Variants in RALYL observed in about 807,000 individuals in gnomAD.
RALYL encodes RNA-binding Raly-like protein.
Under a neutral mutation model 35.1 loss-of-function variants are expected in RALYL, and 29 were observed. The ratio of observed to expected loss-of-function variants is 0.83; its 90% CI spans 0.61 to 1.13. The LOEUF is 1.13. Ranked by LOEUF, RALYL falls within the 50% of genes most tolerant of loss-of-function variation. The probability of loss-of-function intolerance (pLI) is 0.00; values close to 1 mark genes in which losing one functional copy is unlikely to be tolerated. For synonymous variants in RALYL, 120 were observed against 127.6 expected (o/e 0.94, Z 0.40); for missense variants, 359 against 360.4 (o/e 1.00, Z 0.03).
intron 1 of RALYL, among the ~76,000 whole-genome samples, chr8:84,329,473 G>A (rs567744188): frequency 6.6e-6 from 1 of 152,070 alleles, no homozygotes; most frequent in East Asian, 1.9e-4. Flanking sequence ...TTTTTGAACT[G>A]TTTAAATTTT....
intron 2 of RALYL, among the ~76,000 whole-genome samples, chr8:84,753,759 G>A (rs533243153): frequency 6.6e-6 from 1 of 152,122 alleles, no homozygotes; most frequent in Non-Finnish European, 1.5e-5. Context: ...CCAGAAGCAT[G>A]CTAGCATCAT....
chr8:84,459,950 A>C (rs1242084794), intron 1 of RALYL, among the ~76,000 whole-genome samples: 1 of 151,774 alleles, frequency 6.6e-6, no homozygotes, highest in Admixed American at 6.6e-5. Context: ...AAACTATAGA[A>C]ATCTAGATAG....
intron 4 of RALYL, among the ~76,000 whole-genome samples, chr8:84,842,277 A>G (rs555337863): frequency 3.5e-4 from 53 of 152,362 alleles, no homozygotes; most frequent in African/African-American, 1.1e-3. Context: ...AAAAAATGAT[A>G]AAGGGGATAT....
chr8:84,236,717 C>T (rs1202828525), intron 1 of RALYL, among the ~76,000 whole-genome samples: 2 of 152,002 alleles, frequency 1.3e-5, no homozygotes, highest in Admixed American at 6.6e-5. Context: ...CAATCAATAT[C>T]GTCGTGAGGT....
chr8:84,657,782 G>A (rs1219984223), intron 2 of RALYL, among the ~76,000 whole-genome samples: 1 of 152,178 alleles, frequency 6.6e-6, no homozygotes, highest in Non-Finnish European at 1.5e-5. Flanking sequence ...TGTTGCAACA[G>A]GGCTACAGAG....
At chr8:84,264,355 C>T (rs1370478153) in intron 1 of RALYL, among the ~76,000 whole-genome samples, 1 of 151,386 alleles carries the variant, frequency 6.6e-6, no homozygotes, top group Non-Finnish European at 1.5e-5. Context: ...TTGTATTTCT[C>T]TAATGATCAG....
In RALYL at chr8:84,905,540, C is replaced by T. The variant is rs1337305345; in HGVS notation, c.859-15354C>T. ...TGGCTGCATTATATTGCATTCCCAC[C>T]AACAGTGTGCAAGCATTCCAATTTC... On this transcript the variant is annotated intron_variant, in intron 8 of 8. Transcript: ENST00000521268. Among the ~76,000 whole-genome samples, 6 of 152,018 alleles carry T rather than the reference C, an allele frequency of 3.9e-5. No homozygotes were observed. In the East Asian group the frequency reaches 1.2e-3, roughly 29 times the overall value.
intron 2 of RALYL, among the ~76,000 whole-genome samples, chr8:84,692,781 C>G: frequency 6.6e-6 from 1 of 151,908 alleles, no homozygotes; most frequent in East Asian, 1.9e-4. Flanking sequence ...GTAGCAGTGA[C>G]AGTGATGGCA....
At chr8:84,627,088 C>T (rs1045473334) in intron 2 of RALYL, among the ~76,000 whole-genome samples, 78 of 152,064 alleles carry the variant, frequency 5.1e-4, no homozygotes, top group Non-Finnish European at 9.1e-4. Context: ...AATTTAATAT[C>T]CAAAATCTGT....
At position 84,355,284 on chromosome 8, in the gene RALYL, C is replaced by T. The variant is rs116503778; in HGVS notation, c.-24+170860C>T. ...AATGATGAATATGTCACATCAGCTGCCCCATATCGCATAGTTTAGTGGCAG... is the reference window on the plus strand; with the variant it reads ...AATGATGAATATGTCACATCAGCTGTCCCATATCGCATAGTTTAGTGGCAG... On this transcript the variant is annotated intron_variant, in intron 1 of 8. Transcript: ENST00000521268. Among the ~76,000 whole-genome samples, 662 of 150,532 alleles carry T rather than the reference C, an allele frequency of 4.4e-3. 57 individuals carry two copies. Among genetic ancestry groups the T allele is most frequent in the African/African-American group, 0.015 (628 of 40,574 alleles).
chr8:84,427,823 AT>A (rs1452849157), intron 1 of RALYL, among the ~76,000 whole-genome samples: 2 of 152,116 alleles, frequency 1.3e-5, no homozygotes, highest in African/African-American at 4.8e-5. Context: ...TTGTCTTGTA[AT>A]TATCTCTCTC....
chr8:84,323,749 G>A (rs1273910303), intron 1 of RALYL, among the ~76,000 whole-genome samples: 1 of 152,004 alleles, frequency 6.6e-6, no homozygotes, highest in Non-Finnish European at 1.5e-5. Context: ...GTGTTACTAT[G>A]AAAGCAACTT....
chr8:84,816,809 G>C (rs1356822995), intron 4 of RALYL, among the ~76,000 whole-genome samples: 4 of 152,058 alleles, frequency 2.6e-5, no homozygotes, highest in African/African-American at 7.2e-5. Flanking sequence ...TTGGGAGAAT[G>C]GATACCGCAT....
intron 7 of RALYL, among the ~76,000 whole-genome samples, chr8:84,876,030 CT>C (rs375599056): frequency 6.6e-6 from 1 of 151,908 alleles, no homozygotes; most frequent in South Asian, 2.1e-4. Context: ...TCCATAGTAT[CT>C]TTTTTTTGGA....
intron 1 of RALYL, among the ~76,000 whole-genome samples, chr8:84,515,456 A>G (rs2057985857): frequency 6.6e-6 from 1 of 152,208 alleles, no homozygotes; most frequent in African/African-American, 2.4e-5. Context: ...TATTCCTTTC[A>G]ATGTGGTTCC....
intron 3 of RALYL, among the ~76,000 whole-genome samples, chr8:84,788,391 T>C (rs138781718): frequency 2.0e-5 from 3 of 152,302 alleles, no homozygotes; most frequent in African/African-American, 7.2e-5. Context: ...ATATTTTTCT[T>C]ATAACTTTAA....
intron 1 of RALYL, among the ~76,000 whole-genome samples, chr8:84,452,867 A>G (rs1183041038): frequency 6.6e-6 from 1 of 151,972 alleles, no homozygotes; most frequent in African/African-American, 2.4e-5. Flanking sequence ...ATGTATATTT[A>G]TGATTAAGAT....
chr8:84,447,994 GGA>G (rs991905089), intron 1 of RALYL, among the ~76,000 whole-genome samples: 2 of 151,372 alleles, frequency 1.3e-5, no homozygotes, highest in East Asian at 2.0e-4. Context: ...GCGAGAGTGA[GGA>G]GAGAGAGAGA....
intron 1 of RALYL, among the ~76,000 whole-genome samples, chr8:84,257,620 T>G (rs1328273743): frequency 2.0e-5 from 3 of 152,098 alleles, no homozygotes; most frequent in East Asian, 3.9e-4. Context: ...GGTCAGAAAT[T>G]ACATCATGCC....
Sources: gnomAD v4.1 joint callset for allele counts (sites outside exome capture counted in the v4.1 genomes callset) on GRCh38, gnomAD v4.1.1 for gene constraint, MANE v1.5 for transcripts, NCBI Gene and HGNC (gene_info 2026-07-23, HGNC 2026-07-21) for gene names.